The following TAS2R30 variants were observed in gnomAD, a reference collection of about 807,000 sequenced individuals.
TAS2R30 encodes the protein taste receptor type 2 member 30.
For missense variants in TAS2R30, 395 were observed against 371.6 expected (o/e 1.06, Z -0.52); for synonymous variants, 141 against 131.6 (o/e 1.07, Z -0.49).
exon 1 of TAS2R30, chr12:11,134,346 G>A: frequency 3.3e-6 from 4 of 1,220,602 alleles, no homozygotes; most frequent in Non-Finnish European, 4.5e-6. Flanking sequence ...CCTGATTTGT[G>A]TATGTGCTGT....
rs753908700 is a variant in TAS2R30 at position 11,133,919 on chromosome 12, C to T, written c.326G>A (p.Arg109Lys). The change falls in exon 1 of 1, where the codon AGG becomes AAG. Residue 109 changes from arginine (R) to lysine (K), a missense_variant. Coordinates refer to ENST00000539585, the Ensembl canonical transcript of TAS2R30. The stretch of plus-strand genomic sequence containing the variant: ...AATAAGGTTGGAGAAATTGGCAATC[C>T]TGAGCAAATAAAACATGCTGAGGCT... The T allele has an allele frequency of 2.4e-5, 39 of 1,613,602 alleles. No individual in the cohort carries two copies. The highest frequency in any genetic ancestry group is 2.0e-4 in the South Asian group (18 of 91,066).
Position 11,134,336 on chromosome 12 carries a change from C to T in TAS2R30, c.-92G>A. ...ATCCTGACCTTAAATTCTATATGCA[C>T]CTGATTTGTGTATGTGCTGTGACAT... On this transcript the variant is annotated 5_prime_UTR_variant, in exon 1 of 1. It adds an upstream start codon to the 5' untranslated region. Transcript: ENST00000539585. The T allele has an allele frequency of 8.0e-7, 1 of 1,253,734 alleles. No individual in the cohort carries two copies. Among genetic ancestry groups the T allele is most frequent in the Middle Eastern group, 1.9e-4 (1 of 5,144 alleles). The allele number at this position is 1,253,734 out of a possible 1,614,324, so 77.7% of individuals were successfully genotyped here. A position where few individuals can be genotyped will look rare whatever the true frequency, so the allele number is the denominator to read the frequency against.
exon 1 of TAS2R30, chr12:11,134,271 A>T (rs745514595): frequency 8.8e-6 from 14 of 1,584,620 alleles, no homozygotes; most frequent in Admixed American, 3.6e-5. Context: ...AGAAATTTTT[A>T]AAATGCTGGT....
exon 1 of TAS2R30, chr12:11,133,200 C>G: frequency 7.4e-7 from 1 of 1,351,230 alleles, no homozygotes; most frequent in Non-Finnish European, 9.7e-7. Context: ...TCTAGGTATA[C>G]ATGTGGAAAT....
chr12:11,133,142 C>CAT (rs1555171873), exon 1 of TAS2R30: 12 of 965,736 alleles, frequency 1.2e-5, no homozygotes, highest in Non-Finnish European at 1.6e-5. Flanking sequence ...CACACACACA[C>CAT]ATCTATATAT....
chr12:11,134,479 T>A, exon 1 of TAS2R30: 1 of 522,036 alleles, frequency 1.9e-6, no homozygotes, highest in Non-Finnish European at 3.3e-6. Context: ...CAATTCAAAT[T>A]AACTGACTCA....
exon 1 of TAS2R30, chr12:11,133,188 T>G: frequency 6.8e-7 from 1 of 1,464,326 alleles, no homozygotes; most frequent in Non-Finnish European, 9.1e-7. Flanking sequence ...GTAAAAGACT[T>G]TTCTAGGTAT....
chr12:11,133,699 T>C, exon 1 of TAS2R30: 1 of 1,614,254 alleles, frequency 6.2e-7, no homozygotes, highest in Non-Finnish European at 8.5e-7. Flanking sequence ...CAAAGTTTGC[T>C]AGCATGGTTA....
exon 1 of TAS2R30, chr12:11,133,853 A>C: frequency 1.2e-6 from 2 of 1,614,190 alleles, no homozygotes; most frequent in Non-Finnish European, 1.7e-6. Flanking sequence ...CAACAGTATC[A>C]CCAGAACAAC....
At chr12:11,133,406 A>T (rs1946433141) in exon 1 of TAS2R30, 1 of 1,613,986 alleles carries the variant, frequency 6.2e-7, no homozygotes, top group African/African-American at 1.3e-5. Context: ...GTTTCCCAAA[A>T]TCAGGATGAA....
At chr12:11,133,117 T>TCA (rs1946417562) in exon 1 of TAS2R30, 3 of 601,064 alleles carry the variant, frequency 5.0e-6, no homozygotes, top group Non-Finnish European at 6.9e-6. Flanking sequence ...CTTCAGTTTT[T>TCA]CATACACACA....
chr12:11,133,092 G>A, exon 1 of TAS2R30: 1 of 626,768 alleles, frequency 1.6e-6, no homozygotes, highest in Non-Finnish European at 2.3e-6. Context: ...TAAAAAGCAT[G>A]TTATTGTCAA....
At chr12:11,133,143 AT>A in exon 1 of TAS2R30, 1 of 1,011,948 alleles carries the variant, frequency 9.9e-7, no homozygotes, top group Non-Finnish European at 1.4e-6. Context: ...ACACACACAC[AT>A]CTATATATAT....
exon 1 of TAS2R30, chr12:11,132,982 CAAATG>C (rs1946411091): frequency 6.9e-6 from 2 of 290,990 alleles, no homozygotes; most frequent in Admixed American, 4.7e-5. Context: ...ATAAATTCTA[CAAATG>C]AAATATAAAA....
At chr12:11,133,860 C>A (rs756309845) in exon 1 of TAS2R30, 1 of 1,604,622 alleles carries the variant, frequency 6.2e-7, no homozygotes, top group Non-Finnish European at 8.5e-7. Flanking sequence ...ATCACCAGAA[C>A]AACACTCTTA....
rs199946401 is a variant in TAS2R30 at position 11,133,302 on chromosome 12, C to T, written c.943G>A (p.Ala315Thr). ...GTTTTCTGCTAGAAGACACACAATG[C>T]CCCTCTTGTGAATCTATGGAGACGA... The change falls in exon 1 of 1, where the codon GCA becomes ACA. Residue 315 changes from alanine (A) to threonine (T), a missense_variant. By Grantham distance (58) the Ala-to-Thr change is moderately conservative. Coordinates refer to ENST00000539585, the Ensembl canonical transcript of TAS2R30. 611 of 1,611,076 alleles carry T rather than the reference C, an allele frequency of 3.8e-4. 1 individual carries two copies. The highest frequency in any genetic ancestry group is 4.3e-4 in the Non-Finnish European group (511 of 1,178,588).
chr12:11,134,050 A>G lies in TAS2R30; in HGVS notation c.195T>C (p.His65=), dbSNP rs185576176. The G allele has an allele frequency of 6.8e-6, 11 of 1,614,020 alleles. No individual in the cohort carries two copies. The African/African-American group carries it at 9.3e-5, about 14-fold the overall frequency. The change falls in exon 1 of 1, where the codon CAT becomes CAC. Residue 65 remains histidine (H), a synonymous_variant. Coordinates refer to ENST00000539585, the Ensembl canonical transcript of TAS2R30. Reference sequence around the variant, plus strand: ...CTGGATTCAACTGAGTTGCATACCAATGTAGTAATAACACCCAGAGCAAAC... The same window carrying G: ...CTGGATTCAACTGAGTTGCATACCAGTGTAGTAATAACACCCAGAGCAAAC...
chr12:11,133,988 T>G (rs761341347), exon 1 of TAS2R30: 1 of 1,614,076 alleles, frequency 6.2e-7, no homozygotes, highest in East Asian at 2.2e-5. Context: ...TGCCCAGACA[T>G]TATAAGCAGT....
At chr12:11,133,762 G>T (rs200760688) in exon 1 of TAS2R30, 1 of 1,614,090 alleles carries the variant, frequency 6.2e-7, no homozygotes, top group Admixed American at 1.7e-5. Flanking sequence ...TCCAAGTCAC[G>T]TTTCCTTCAT....
Sources: allele counts gnomAD v4.1 joint callset, GRCh38; gene constraint gnomAD v4.1.1; transcripts MANE v1.5; gene names NCBI Gene and HGNC (gene_info 2026-07-23, HGNC 2026-07-21).